The following NCALD variants were observed in gnomAD, a reference collection of about 807,000 sequenced individuals.
NCALD encodes neurocalcin delta.
A neutral mutation model predicts 18.6 loss-of-function variants in NCALD; 10 were observed. The observed-to-expected ratio is 0.54, with a 90% CI of 0.33 to 0.91. The LOEUF (loss-of-function observed/expected upper bound fraction) is 0.91. Ranked by LOEUF, NCALD falls within the 40% of genes least tolerant of loss-of-function variation. NCALD has a pLI of 0.03. For missense variants in NCALD, 184 were observed against 247.6 expected, an observed-to-expected ratio of 0.74 and a Z score of 1.72; for synonymous variants, 88 against 87.4, an observed-to-expected ratio of 1.01 and a Z score of -0.04.
At chr8:102,089,857 G>A (rs1824865360) in intron 1 of NCALD, among the ~76,000 whole-genome samples, 1 of 152,196 alleles carries the variant, frequency 6.6e-6, no homozygotes, top group Admixed American at 6.5e-5. Context: ...ACAGTTAAAA[G>A]GGTATTCAGT....
At chr8:101,889,871 G>A (rs1470762914) in intron 3 of NCALD, among the ~76,000 whole-genome samples, 2 of 152,164 alleles carry the variant, frequency 1.3e-5, no homozygotes, top group Non-Finnish European at 2.9e-5. Context: ...ATTAATTCCA[G>A]AGGAATTAAA....
At chr8:101,818,826 GA>G (rs377027911) in intron 4 of NCALD, among the ~76,000 whole-genome samples, 233 of 152,110 alleles carry the variant, frequency 1.5e-3, no homozygotes, top group African/African-American at 5.4e-3. Context: ...TTAACATGGT[GA>G]AACCCCATCT....
rs555009311 is a variant in NCALD, at chr8:101,711,739, C to T, written c.378+7513G>A. ...TTAGAGAAAAAAGAATGAAAAGGAA[C>T]GAGCAAAGCCTCCAAGAAATACGGG... is the stretch of plus-strand genomic sequence containing the variant. On this transcript the variant is annotated intron_variant, in intron 2 of 3. Transcript: ENST00000220931. Among the ~76,000 whole-genome samples, 169 of 151,708 alleles carry T rather than the reference C, an allele frequency of 1.1e-3. 1 individual carries two copies. Among genetic ancestry groups the T allele is most frequent in the African/African-American group, 3.7e-3 (152 of 41,246 alleles).
chr8:101,946,349 T>C (rs1337913821), intron 2 of NCALD, among the ~76,000 whole-genome samples: 1 of 152,186 alleles, frequency 6.6e-6, no homozygotes, highest in African/African-American at 2.4e-5. Flanking sequence ...GAATTTACAA[T>C]GTAGCCAGAG....
At chr8:101,820,679 G>A (rs1025331576) in intron 4 of NCALD, among the ~76,000 whole-genome samples, 1 of 152,170 alleles carries the variant, frequency 6.6e-6, no homozygotes, top group African/African-American at 2.4e-5. Context: ...GGGATAGGCT[G>A]TAAAAAAAAT....
At chr8:102,000,766 G>C (rs1821425172) in intron 2 of NCALD, among the ~76,000 whole-genome samples, 1 of 152,126 alleles carries the variant, frequency 6.6e-6, no homozygotes, top group Non-Finnish European at 1.5e-5. Flanking sequence ...AGGCAAACAG[G>C]GTCTGGAGTG....
intron 4 of NCALD, among the ~76,000 whole-genome samples, chr8:101,849,040 G>C (rs1034908569): frequency 2.6e-5 from 4 of 152,170 alleles, no homozygotes; most frequent in African/African-American, 9.7e-5. Context: ...AAAGGAATGA[G>C]ATTATGTCCT....
At chr8:102,124,349 C>G (rs1052183297), upstream of NCALD, 2 of 152,504 alleles carry the variant, frequency 1.3e-5, no homozygotes, top group Non-Finnish European at 1.5e-5. Context: ...GCCGCGCCCC[C>G]CTCCCCAGCC....
At chr8:101,880,268 A>G (rs1026476996) in intron 4 of NCALD, among the ~76,000 whole-genome samples, 1 of 152,064 alleles carries the variant, frequency 6.6e-6, no homozygotes, top group Non-Finnish European at 1.5e-5. Flanking sequence ...GCCCGGGGCC[A>G]GCAGCACTGG....
Position 101,822,121 on chromosome 8 carries a change from A to G in NCALD, c.-20+65020T>C, listed in dbSNP as rs111491773. On this transcript the variant is annotated intron_variant, in intron 4 of 6. Transcript: ENST00000311028. ...AACATCTTTGTAAAAGCATAAATCA[A>G]TGTCAGTTGCCTTCCTTCCAAAACC... Among the ~76,000 whole-genome samples, 868 of 152,252 alleles carry G rather than the reference A, an allele frequency of 5.7e-3. 11 individuals are homozygous for G. Among genetic ancestry groups the G allele is most frequent in the African/African-American group, 0.018 (762 of 41,542 alleles).
At chr8:102,008,093 A>G (rs1050877070) in intron 2 of NCALD, among the ~76,000 whole-genome samples, 10 of 152,230 alleles carry the variant, frequency 6.6e-5, no homozygotes, top group South Asian at 4.1e-4. Context: ...AGGTGGGATA[A>G]GCAGAGGTGA....
chr8:101,883,109 C>T (rs1167165841), intron 4 of NCALD, among the ~76,000 whole-genome samples: 11 of 152,192 alleles, frequency 7.2e-5, no homozygotes, highest in Admixed American at 2.0e-4. Context: ...TGGTGGCTCA[C>T]GTCTATAACT....
intron 2 of NCALD, among the ~76,000 whole-genome samples, chr8:101,966,070 G>A (rs1224719777): frequency 6.6e-6 from 1 of 151,148 alleles, no homozygotes; most frequent in Non-Finnish European, 1.5e-5. Context: ...AAGAACACTT[G>A]CAAATAATGA....
At chr8:101,959,483 A>G (rs762143947) in intron 2 of NCALD, among the ~76,000 whole-genome samples, 19 of 152,180 alleles carry the variant, frequency 1.2e-4, no homozygotes, top group Non-Finnish European at 2.1e-4. Flanking sequence ...GACTGCATAA[A>G]TATCTCAGTC....
intron 1 of NCALD, among the ~76,000 whole-genome samples, chr8:102,041,063 A>G (rs7831664): frequency 0.39 from 58,766 of 152,084 alleles, 11,704 homozygotes; most frequent in African/African-American, 0.43. Flanking sequence ...TATTCTGCTA[A>G]TTTCTCAATT....
intron 3 of NCALD, among the ~76,000 whole-genome samples, chr8:101,909,541 G>A (rs151134771): frequency 1.6e-4 from 24 of 152,274 alleles, no homozygotes; most frequent in Non-Finnish European, 3.5e-4. Flanking sequence ...TATATGCCAA[G>A]AATTGCATAA....
intron 2 of NCALD, among the ~76,000 whole-genome samples, chr8:101,979,842 A>T (rs1442131811): frequency 6.6e-6 from 1 of 152,206 alleles, no homozygotes. Flanking sequence ...TCTGGCAACT[A>T]ACCGACTTTC....
chr8:102,020,162 G>A (rs1474954610), intron 2 of NCALD: 1 of 152,132 alleles, frequency 6.6e-6, no homozygotes, highest in Non-Finnish European at 1.5e-5. Context: ...AGAATGTTAG[G>A]CTTATGTATG....
chr8:101,962,684 T>G (rs1289745923), intron 2 of NCALD, among the ~76,000 whole-genome samples: 1 of 152,190 alleles, frequency 6.6e-6, no homozygotes, highest in South Asian at 2.1e-4. Context: ...GTAATTAACA[T>G]GCACACTAAA....
Sources: gnomAD v4.1 joint callset for allele counts (sites outside exome capture counted in the v4.1 genomes callset) on GRCh38, gnomAD v4.1.1 for gene constraint, MANE v1.5 for transcripts, NCBI Gene and HGNC (gene_info 2026-07-23, HGNC 2026-07-21) for gene names.